Variants in DST observed in about 807,000 individuals in gnomAD.
DST encodes the protein dystonin.
DST carries 253 observed loss-of-function variants against 875.2 expected under a neutral mutation model. The observed-to-expected ratio is 0.29, with a 90% CI of 0.26 to 0.32. The LOEUF (loss-of-function observed/expected upper bound fraction) is 0.32, where lower values mean the gene tolerates loss of function less well. DST is among the 10% of genes least tolerant of loss of function. The probability of loss-of-function intolerance (pLI) is 1.00; values close to 1 mark genes in which losing one functional copy is unlikely to be tolerated. For synonymous variants in DST, 3,124 were observed against 3,197.1 expected, an observed-to-expected ratio of 0.98 and a Z score of 0.77; for missense variants, 8,287 against 9,111.6, an observed-to-expected ratio of 0.91 and a Z score of 3.68.
At chr6:56,788,203 T>C (rs1307113261) in intron 4 of DST, among the ~76,000 whole-genome samples, 1 of 148,758 alleles carries the variant, frequency 6.7e-6, no homozygotes, top group Non-Finnish European at 1.5e-5. Context: ...AAGTATTAAG[T>C]TCTTCTTTTT....
chr6:56,535,423 T>C, intron 62 of DST, 131 bp from the exon 63 acceptor site: 1 of 1,105,134 alleles, frequency 9.0e-7, no homozygotes, highest in East Asian at 2.8e-5. Context: ...ACTTAAAATT[T>C]ACCCAAAGTA....
At chr6:56,550,891 A>G (rs2152551743) in intron 61 of DST, among the ~76,000 whole-genome samples, 1 of 152,176 alleles carries the variant, frequency 6.6e-6, no homozygotes, top group Non-Finnish European at 1.5e-5. Context: ...AGCAATTGCC[A>G]CAGAACTATG....
intron 5 of DST, among the ~76,000 whole-genome samples, chr6:56,732,504 A>G (rs2152926720): frequency 6.6e-6 from 1 of 152,328 alleles, no homozygotes; most frequent in African/African-American, 2.4e-5. Context: ...AAATAAGCAA[A>G]AAACAACAAA....
Position 56,714,262 on chromosome 6 carries a change from T to A in DST, c.688-9893A>T, listed in dbSNP as rs1209051679. Among the ~76,000 whole-genome samples, 1 of 152,238 alleles carries A rather than the reference T, an allele frequency of 6.6e-6. No homozygotes were observed. Among genetic ancestry groups the A allele is most frequent in the East Asian group, 1.9e-4 (1 of 5,204 alleles). ...TTCTTTTAATTACTTAATTAAAAAT[T>A]TGACAGATGCTATATACACTCCTGT... On this transcript the variant is annotated intron_variant, in intron 5 of 103. Coordinates refer to ENST00000680361, the MANE Select transcript of DST (RefSeq NM_001374736.1). This position sits in a 1 kb window ranked among gnomAD's most constrained non-coding sequence, Gnocchi z 4.5.
chr6:56,623,535 A>C (rs2098708494), intron 36 of DST, among the ~76,000 whole-genome samples: 1 of 152,174 alleles, frequency 6.6e-6, no homozygotes, highest in South Asian at 2.1e-4. Flanking sequence ...GTTAACTCTG[A>C]ACAGACTAAA....
chr6:56,943,430 C>CTTTTTTT (rs1408845257), intron 2 of DST, among the ~76,000 whole-genome samples: 1 of 136,004 alleles, frequency 7.4e-6, no homozygotes, highest in African/African-American at 2.7e-5. Context: ...TTTTCTTTTT[C>CTTTTTTT]TTTTTTTTTT....
chr6:56,853,141 C>T (rs796122382), intron 3 of DST, among the ~76,000 whole-genome samples: 7 of 152,140 alleles, frequency 4.6e-5, no homozygotes, highest in African/African-American at 1.7e-4. Flanking sequence ...CTATTCTTTC[C>T]CCCCAAAAAA....
intron 5 of DST, among the ~76,000 whole-genome samples, chr6:56,705,581 G>C (rs1298406668): frequency 1.3e-5 from 2 of 152,090 alleles, no homozygotes; most frequent in African/African-American, 4.8e-5. Context: ...AATATCTTTT[G>C]TTAGTGTCAG....
chr6:56,568,526 A>G lies in DST; in HGVS notation c.13948T>C (p.Cys4650Arg). 1 of 1,612,956 alleles carries G rather than the reference A, an allele frequency of 6.2e-7. No individual in the cohort carries two copies. The highest frequency in any genetic ancestry group is 8.5e-7 in the Non-Finnish European group (1 of 1,179,432). Residue 4650 changes from cysteine to arginine, a missense_variant, in exon 55 of 104, where the codon TGT (cysteine) becomes CGT (arginine). By Grantham distance (180) the Cys-to-Arg change is radical. Coordinates refer to ENST00000680361, the MANE Select transcript of DST (RefSeq NM_001374736.1). ...QKVNNSGISL[C>R]NLISAVTTPA... ...GTGGTCACAGCACTTATTAAGTTAC[A>G]TAGTGAGATCCCACTGTTGTTTACT...
At chr6:56,645,066 G>A (rs1345209165) in intron 15 of DST, among the ~76,000 whole-genome samples, 3 of 152,122 alleles carry the variant, frequency 2.0e-5, no homozygotes, top group Non-Finnish European at 4.4e-5. Context: ...TGATTGTGAG[G>A]CCTCTCCAGT....
intron 55 of DST, among the ~76,000 whole-genome samples, chr6:56,565,272 C>G (rs1462131047): frequency 6.6e-6 from 1 of 152,012 alleles, no homozygotes; most frequent in Admixed American, 6.5e-5. Context: ...AGGCACCCAC[C>G]ACCAAGCCCA....
At chr6:56,915,191 T>C (rs756001662) in intron 2 of DST, among the ~76,000 whole-genome samples, 6 of 152,208 alleles carry the variant, frequency 3.9e-5, no homozygotes, top group African/African-American at 1.4e-4. Flanking sequence ...ACAGACATTA[T>C]CACTAGTGAC....
At chr6:56,948,139 AG>A (rs1351159114) in intron 2 of DST, among the ~76,000 whole-genome samples, 1 of 152,210 alleles carries the variant, frequency 6.6e-6, no homozygotes, top group African/African-American at 2.4e-5. Flanking sequence ...CAAAACTATC[AG>A]GAATTTCTTT....
chr6:56,630,851 C>T (rs1587181602), intron 30 of DST, among the ~76,000 whole-genome samples: 1 of 150,090 alleles, frequency 6.7e-6, no homozygotes, highest in South Asian at 2.1e-4. Context: ...GGCGCGATAT[C>T]GGCTCACTGC....
chr6:56,608,947 T>C lies in DST; in HGVS notation c.5681A>G (p.Gln1894Arg), dbSNP rs1163811185. 6.2e-7 allele frequency: 1 copy of C among 1,613,856 alleles called. No homozygotes were observed. The highest frequency in any genetic ancestry group is 1.1e-5 in the South Asian group (1 of 91,080). ...AACCAAGTTCTGTTGGAAAGCCTTC[T>C]GTAGGGTCAACTGTTCTCCTGTGGC... Reference protein sequence around the residue: ...IPATGEQLTLQKAFQQNLVSS... With the variant: ...IPATGEQLTLRKAFQQNLVSS... Residue 1894 changes from glutamine (Q) to arginine (R), a missense_variant, in exon 40 of 104, where the codon CAG (glutamine) becomes CGG (arginine). Transcript: ENST00000680361.
intron 4 of DST, among the ~76,000 whole-genome samples, chr6:56,741,094 A>G (rs921803734): frequency 1.4e-4 from 22 of 152,198 alleles, no homozygotes; most frequent in Non-Finnish European, 2.8e-4. Context: ...AACATGAGGT[A>G]AAACAGATTC....
chr6:56,620,798 T>A, intron 36 of DST: 1 of 1,317,884 alleles, frequency 7.6e-7, no homozygotes, highest in Non-Finnish European at 1.1e-6. Context: ...TAAAAGTACT[T>A]ACAAAACCAA....
At chr6:56,546,212 G>A (rs1398119055) in intron 61 of DST, among the ~76,000 whole-genome samples, 1 of 150,890 alleles carries the variant, frequency 6.6e-6, no homozygotes, top group Non-Finnish European at 1.5e-5. Flanking sequence ...TCTTCTTCCT[G>A]TAAGTTACTA....
chr6:56,648,784 T>C, intron 12 of DST, 95 bp from the exon 13 acceptor site: 3 of 1,078,374 alleles, frequency 2.8e-6, no homozygotes, highest in Non-Finnish European at 3.9e-6. Flanking sequence ...TAAATGTATG[T>C]ATTTGAAGCC....
Sources: allele counts gnomAD v4.1 joint callset (sites outside exome capture counted in the v4.1 genomes callset), GRCh38; gene constraint gnomAD v4.1.1; non-coding constraint Gnocchi (gnomAD v3.1); transcripts MANE v1.5; gene names NCBI Gene and HGNC (gene_info 2026-07-23, HGNC 2026-07-21).